EPHA1: variants seen among roughly 807,000 people sequenced by gnomAD.
EPHA1 encodes the protein EPH receptor A1, also known as ephrin type-A receptor 1.
Under a neutral mutation model 110.1 loss-of-function variants are expected in EPHA1, and 92 were observed. The ratio of observed to expected loss-of-function variants is 0.84; its 90% CI spans 0.71 to 0.99. The LOEUF is 0.99. Ranked by LOEUF, EPHA1 falls within the 50% of genes least tolerant of loss-of-function variation. The probability of loss-of-function intolerance (pLI) is 0.00; values close to 1 mark genes in which losing one functional copy is unlikely to be tolerated. For missense variants in EPHA1, 1,204 were observed against 1,285.4 expected, an observed-to-expected ratio of 0.94 and a Z score of 0.97; for synonymous variants, 500 against 516.1, an observed-to-expected ratio of 0.97 and a Z score of 0.42.
chr7:143,397,580 TCCCAAGCAGCAAGGCTGC>T lies in EPHA1; in HGVS notation c.1675_1692del (p.Ala559_Gly564del). ...TGGCACCTGGACCGGAAAACGAGAA[TCCCAAGCAGCAAGGCTGC>T]ACCAAGCAGCAGCCCAAAGATGACG... On this transcript the variant is annotated inframe_deletion, in exon 9 of 18. Transcript: ENST00000275815. 6.2e-7 allele frequency: 1 copy of T among 1,613,710 alleles called. No homozygotes were observed. The highest frequency in any genetic ancestry group is 8.5e-7 in the Non-Finnish European group (1 of 1,179,896).
In EPHA1 at chr7:143,399,423, G is replaced by A; in HGVS notation, c.836-10C>T. On this transcript the variant is annotated splice_polypyrimidine_tract_variant and intron_variant, in intron 4 of 17. Coordinates refer to ENST00000275815, the MANE Select transcript of EPHA1 (RefSeq NM_005232.5). ...GAGCCGCTAGGGCAGGCTGGAGAGA[G>A]AACGCAGCAGAGCAGTGGTTCTGTA... is the stretch of plus-strand genomic sequence containing the variant. The A allele has an allele frequency of 6.4e-7, 1 of 1,572,914 alleles. No homozygotes were observed.
rs1183002743 is a variant in EPHA1, at chr7:143,393,532, C to T, written c.2696+139G>A. 13 of 927,892 alleles carry T rather than the reference C, an allele frequency of 1.4e-5. No individual in the cohort carries two copies. The highest frequency in any genetic ancestry group is 3.4e-4 in the Middle Eastern group (1 of 2,918). 57.5% of individuals were successfully genotyped at this position (927,892 alleles called of 1,614,324 possible). A position where few individuals can be genotyped will look rare whatever the true frequency, so the allele number is the denominator to read the frequency against. ...TAAAGCTGACCTCTTGGACTCTCCC[C>T]AAGGGCACGTCTTGCCTCATACACT... is the stretch of plus-strand genomic sequence containing the variant. On this transcript the variant is annotated intron_variant, in intron 16 of 17. Transcript: ENST00000275815. This position sits in a 1 kb window ranked among gnomAD's most constrained non-coding sequence, Gnocchi z 5.6.
At chr7:143,405,462 T>TGTGTGTG (rs1805524308) in intron 2 of EPHA1, among the ~76,000 whole-genome samples, 1 of 148,974 alleles carries the variant, frequency 6.7e-6, no homozygotes, top group African/African-American at 2.5e-5. Context: ...TGTGTGTGTG[T>TGTGTGTG]TTTGAAAAGA....
At position 143,399,779 on chromosome 7, in the gene EPHA1, C is replaced by G. The variant is rs747845357; in HGVS notation, c.707G>C (p.Arg236Pro). ...EVAGTCLPHA[R>P]ASPRPSGAPR... Reference sequence around the variant, plus strand: ...TGCACCTGAGGGCCTGGGGCTGGCCCGCGCGTGGGGCAAGCAGGTCCCCGC... The same window carrying G: ...TGCACCTGAGGGCCTGGGGCTGGCCGGCGCGTGGGGCAAGCAGGTCCCCGC... Residue 236 changes from arginine to proline, a missense_variant, in exon 4 of 18, where the codon CGG becomes CCG. Physicochemically the swap from Arg to Pro is moderately radical, Grantham distance 103. Transcript: ENST00000275815. The G allele has an allele frequency of 6.2e-7, 1 of 1,609,360 alleles. No homozygotes were observed. Among genetic ancestry groups the G allele is most frequent in the South Asian group, 1.1e-5 (1 of 90,478 alleles).
At position 143,391,594 on chromosome 7, in the gene EPHA1, C is replaced by T. The variant is rs192619105; in HGVS notation, c.2852+26G>A. 176 of 1,614,188 alleles carry T rather than the reference C, an allele frequency of 1.1e-4. No individual in the cohort carries two copies. In the Admixed American group the frequency reaches 1.6e-3, roughly 15 times the overall value. ...GAGGCTCCACCCCCGCAGCCCTCCC[C>T]TGCCCAGACAGCTCCAGCTCCTTAC... On this transcript the variant is annotated intron_variant, in intron 17 of 17. Transcript: ENST00000275815.
intron 16 of EPHA1, among the ~76,000 whole-genome samples, chr7:143,392,222 C>G (rs1488047882): frequency 6.6e-6 from 1 of 152,220 alleles, no homozygotes; most frequent in Non-Finnish European, 1.5e-5. Flanking sequence ...TCCTCACCAC[C>G]TTCAGCTTCG....
At position 143,397,986 on chromosome 7, in the gene EPHA1, G is replaced by T. The variant is rs768828933; in HGVS notation, c.1549C>A (p.Arg517=). 7 of 1,614,014 alleles carry T rather than the reference G, an allele frequency of 4.3e-6. No homozygotes were observed. The Admixed American group carries it at 5.0e-5, about 12-fold the overall frequency. Residue 517 remains arginine, a synonymous_variant, in exon 8 of 18, where the codon CGA becomes AGA. Transcript: ENST00000275815. The part of the protein sequence containing the change: ...QPDTTYIVRV[R]MLTPLGPGPF... ...CCAGGACCCAGTGGGGTCAGCATTCGGACTCTGACGATGTATGTGGTGTCA... is the reference window on the plus strand; with the variant it reads ...CCAGGACCCAGTGGGGTCAGCATTCTGACTCTGACGATGTATGTGGTGTCA...
rs774390706 is a variant in EPHA1, at chr7:143,397,648, C to G, written c.1625G>C (p.Gly542Ala). ...EFRTSPPVSR[G>A]LTGGEIVAVI... is the part of the protein sequence containing the mutation. ...GGCTACAATCTCTCCTCCAGTCAGG[C>G]CCCTGGACACTGTAGGCACAAAGGG... Residue 542 changes from glycine to alanine, a missense_variant, in exon 9 of 18, where the codon GGC (glycine) becomes GCC (alanine). Coordinates refer to ENST00000275815, the MANE Select transcript of EPHA1 (RefSeq NM_005232.5). The G allele has an allele frequency of 6.2e-7, 1 of 1,614,130 alleles. No individual in the cohort carries two copies. The highest frequency in any genetic ancestry group is 8.5e-7 in the Non-Finnish European group (1 of 1,180,006).
At chr7:143,407,780 T>C in intron 1 of EPHA1, 102 bp from the exon 2 acceptor site, 1 of 1,058,818 alleles carries the variant, frequency 9.4e-7, no homozygotes, top group South Asian at 1.5e-5. Flanking sequence ...TGCAACATCC[T>C]GTTCCTAAAA....
chr7:143,397,198 A>G (rs1805274514), intron 10 of EPHA1, 106 bp downstream of exon 10: 1 of 1,364,058 alleles, frequency 7.3e-7, no homozygotes, highest in Non-Finnish European at 9.8e-7. Context: ...TGGCCTAGCA[A>G]ATGTGTCCCT....
intron 2 of EPHA1, among the ~76,000 whole-genome samples, chr7:143,406,754 G>A (rs1330429744): frequency 1.3e-5 from 2 of 152,196 alleles, no homozygotes; most frequent in African/African-American, 4.8e-5. Flanking sequence ...GCAGGCGGGA[G>A]GAATCCCTAC....
intron 16 of EPHA1, among the ~76,000 whole-genome samples, chr7:143,392,562 C>T (rs1037075027): frequency 6.6e-6 from 1 of 151,392 alleles, no homozygotes; most frequent in East Asian, 1.9e-4. Flanking sequence ...CCCCACCCCC[C>T]CATCAGTTCA....
intron 8 of EPHA1, 106 bp downstream of exon 8, chr7:143,397,814 C>T: frequency 6.5e-7 from 1 of 1,537,866 alleles, no homozygotes; most frequent in Non-Finnish European, 8.9e-7. Flanking sequence ...AGTGTGTGTG[C>T]ATGTGTGTAG....
intron 2 of EPHA1, among the ~76,000 whole-genome samples, chr7:143,402,094 CT>C (rs35949877): frequency 1.2e-3 from 174 of 143,172 alleles, no homozygotes; most frequent in Admixed American, 1.8e-3. Context: ...TTTTTTCTTT[CT>C]TTTTTTTTTT....
rs73154214 is a variant in EPHA1 at position 143,398,333 on chromosome 7, G to T, written c.1452C>A (p.His484Gln). The T allele has an allele frequency of 6.2e-7, 1 of 1,614,048 alleles. No homozygotes were observed. The highest frequency in any genetic ancestry group is 2.2e-5 in the East Asian group (1 of 44,860). Residue 484 changes from histidine (H) to glutamine (Q), a missense_variant, in exon 7 of 18, where the codon CAC (histidine) becomes CAA (glutamine). His to Gln is a conservative substitution (Grantham distance 24, BLOSUM62 0). Transcript: ENST00000275815. ...GTAGCATCCTGACCTGGTTCAGCAC[G>T]TGCAGCTCATAGGTCAGGTTCGCCC... ...SPGANLTYEL[H>Q]VLNQDEERYQ...
intron 5 of EPHA1, 127 bp downstream of exon 5, chr7:143,399,131 A>G: frequency 7.5e-7 from 1 of 1,341,232 alleles, no homozygotes; most frequent in Non-Finnish European, 1.0e-6. Flanking sequence ...GGCAGGGGCT[A>G]AAAGTGCCTG....
rs760509682 is a variant in EPHA1, at chr7:143,397,291, G to A, written c.1771+13C>T. On this transcript the variant is annotated intron_variant, in intron 10 of 17. Transcript: ENST00000275815. ...CACGCATGTGGGGACACACGCAGGT[G>A]CACCCGACTCACCTCGATCCACATC... 4 of 1,546,988 alleles carry A rather than the reference G, an allele frequency of 2.6e-6. No homozygotes were observed. The South Asian group carries it at 4.8e-5, about 18-fold the overall frequency.
chr7:143,393,640 G>C lies in EPHA1; in HGVS notation c.2696+31C>G. 1.9e-6 allele frequency: 3 copies of C among 1,607,866 alleles called. No individual in the cohort carries two copies. The highest frequency in any genetic ancestry group is 2.7e-5 in the African/African-American group (2 of 74,862). The stretch of plus-strand genomic sequence containing the variant: ...TTTCCACTCTCCTAGCGCTGCCTCT[G>C]GGTTCCCTAGTCCTTCCCCTGCATG... On this transcript the variant is annotated intron_variant, in intron 16 of 17. Transcript: ENST00000275815. The surrounding 1 kb of genome is among the most constrained non-coding windows in gnomAD (Gnocchi z 5.6).
At chr7:143,402,072 C>T (rs1805435363) in intron 2 of EPHA1, among the ~76,000 whole-genome samples, 1 of 151,150 alleles carries the variant, frequency 6.6e-6, no homozygotes, top group Admixed American at 6.6e-5. Flanking sequence ...TGCCTGCCAA[C>T]ACACTGGGCT....
Sources: allele counts gnomAD v4.1 joint callset (sites outside exome capture counted in the v4.1 genomes callset), GRCh38; gene constraint gnomAD v4.1.1; non-coding constraint Gnocchi (gnomAD v3.1); transcripts MANE v1.5; gene names NCBI Gene and HGNC (gene_info 2026-07-23, HGNC 2026-07-21).